Variants in CFAP90 observed in about 807,000 individuals in gnomAD.
CFAP90 encodes cilia- and flagella-associated protein 90.
At chr5:7,840,097 A>G in the CFAP90 span, among the ~76,000 whole-genome samples, 1 of 152,206 alleles carries the variant, frequency 6.6e-6, no homozygotes, top group Non-Finnish European at 1.5e-5. Context: ...AAAATCCCTC[A>G]AGGAATTGTC....
At chr5:7,850,859 A>G in the CFAP90 span, 1 of 1,293,610 alleles carries the variant, frequency 7.7e-7, no homozygotes, top group South Asian at 3.3e-5. Flanking sequence ...CTCCGCGCCC[A>G]GTCCGCGGTC....
the CFAP90 span, among the ~76,000 whole-genome samples, chr5:7,836,176 G>T: frequency 9.2e-5 from 14 of 152,252 alleles, no homozygotes; most frequent in East Asian, 2.7e-3. Context: ...ACGAATTTGG[G>T]GAGACACAAA....
chr5:7,840,639 G>A, the CFAP90 span, among the ~76,000 whole-genome samples: 34 of 152,104 alleles, frequency 2.2e-4, no homozygotes, highest in African/African-American at 4.3e-4. Context: ...AACCACTGCC[G>A]AACAACCTCA....
At chr5:7,848,213 G>C in the CFAP90 span, among the ~76,000 whole-genome samples, 3 of 152,152 alleles carry the variant, frequency 2.0e-5, no homozygotes, top group South Asian at 6.2e-4. Context: ...GTGGCAATGA[G>C]ATTGGGAACT....
the CFAP90 span, among the ~76,000 whole-genome samples, chr5:7,836,126 C>T: frequency 2.0e-5 from 3 of 152,154 alleles, no homozygotes; most frequent in Non-Finnish European, 2.9e-5. Context: ...CCAAAGGCCC[C>T]GCCTCCCAAT....
chr5:7,851,026 C>T, the CFAP90 span: 9 of 1,250,824 alleles, frequency 7.2e-6, no homozygotes, highest in East Asian at 3.1e-5. Flanking sequence ...CTCCATGCCG[C>T]CACCGTCCAG....
chr5:7,837,953 A>G, the CFAP90 span, among the ~76,000 whole-genome samples: 1 of 152,182 alleles, frequency 6.6e-6, no homozygotes, highest in Admixed American at 6.5e-5. Context: ...TGAGTTCACC[A>G]GACACAAGCA....
At chr5:7,844,153 C>T in the CFAP90 span, among the ~76,000 whole-genome samples, 4 of 152,128 alleles carry the variant, frequency 2.6e-5, no homozygotes, top group Non-Finnish European at 4.4e-5. Context: ...AGCTACCTGC[C>T]CTGGAGGAAG....
chr5:7,839,586 A>C, the CFAP90 span, among the ~76,000 whole-genome samples: 1 of 152,214 alleles, frequency 6.6e-6, no homozygotes, highest in Non-Finnish European at 1.5e-5. Context: ...TGTAATATGC[A>C]ACTTTACAGA....
the CFAP90 span, among the ~76,000 whole-genome samples, chr5:7,847,283 G>A: frequency 6.6e-5 from 10 of 152,084 alleles, no homozygotes; most frequent in African/African-American, 1.7e-4. Flanking sequence ...CTGTAGCATC[G>A]TTTTCTTTTG....
the CFAP90 span, chr5:7,832,083 C>A: frequency 1.3e-6 from 2 of 1,548,160 alleles, no homozygotes; most frequent in Admixed American, 1.7e-5. Flanking sequence ...GCCAGCACAG[C>A]TCACCCGTGC....
chr5:7,848,552 C>G, the CFAP90 span, among the ~76,000 whole-genome samples: 1 of 152,220 alleles, frequency 6.6e-6, no homozygotes, highest in Non-Finnish European at 1.5e-5. Flanking sequence ...AAGGAATGCC[C>G]TGTTCCAGGC....
the CFAP90 span, chr5:7,835,352 C>G: frequency 2.4e-6 from 3 of 1,258,828 alleles, no homozygotes; most frequent in East Asian, 7.0e-5. Flanking sequence ...AATCTGTTGA[C>G]AACTTGTTAA....
At chr5:7,835,126 C>G in the CFAP90 span, among the ~76,000 whole-genome samples, 1 of 152,072 alleles carries the variant, frequency 6.6e-6, no homozygotes, top group East Asian at 1.9e-4. Flanking sequence ...AGCATTATGT[C>G]TGAAAAATGT....
At chr5:7,844,268 T>C in the CFAP90 span, among the ~76,000 whole-genome samples, 1 of 152,170 alleles carries the variant, frequency 6.6e-6, no homozygotes, top group Non-Finnish European at 1.5e-5. Context: ...CCACTGCCAT[T>C]GACGATACCA....
chr5:7,835,571 A>G, the CFAP90 span: 1 of 871,014 alleles, frequency 1.1e-6, no homozygotes, highest in Non-Finnish European at 1.8e-6. Flanking sequence ...TGGAGCACAG[A>G]GGCCAGTTCT....
the CFAP90 span, chr5:7,850,824 C>T: frequency 1.9e-6 from 2 of 1,059,642 alleles, no homozygotes; most frequent in Non-Finnish European, 2.4e-6. Flanking sequence ...AGCCGCCCAG[C>T]CGCCCAGCCG....
chr5:7,850,887 G>T, the CFAP90 span: 1 of 1,336,510 alleles, frequency 7.5e-7, no homozygotes, highest in Non-Finnish European at 9.6e-7. Context: ...GCGCCGGGCG[G>T]TAGTAGTAGC....
At chr5:7,841,243 A>T in the CFAP90 span, among the ~76,000 whole-genome samples, 3 of 152,226 alleles carry the variant, frequency 2.0e-5, no homozygotes, top group African/African-American at 7.2e-5. Context: ...AACATCACTG[A>T]TCATTAGAGA....
Sources: gnomAD v4.1 joint callset for allele counts (sites outside exome capture counted in the v4.1 genomes callset) on GRCh38, gnomAD v4.1.1 for gene constraint, MANE v1.5 for transcripts, NCBI Gene and HGNC (gene_info 2026-07-23, HGNC 2026-07-21) for gene names.